COPG2: variants seen among roughly 807,000 people sequenced by gnomAD.
COPG2 encodes the protein coat protein complex I subunit gamma 2.
In COPG2, 37 loss-of-function variants were observed where a neutral mutation model predicts 46.3. That is an observed-to-expected ratio of 0.80 (90% CI 0.61 to 1.05). COPG2 has a LOEUF of 1.05. Ranked by LOEUF, COPG2 falls within the 50% of genes least tolerant of loss-of-function variation. The probability of loss-of-function intolerance (pLI) is 0.00; values close to 1 mark genes in which losing one functional copy is unlikely to be tolerated. For synonymous variants in COPG2, 159 were observed against 129.7 expected (o/e 1.23, Z -1.53); for missense variants, 427 against 387.8 (o/e 1.10, Z -0.85).
chr7:130,658,044 A>G (rs1205444822), intron 4 of COPG2, among the ~76,000 whole-genome samples: 1 of 152,182 alleles, frequency 6.6e-6, no homozygotes, highest in African/African-American at 2.4e-5. Flanking sequence ...ACTCCCAGGC[A>G]TTTATCCAAA....
chr7:130,667,394 G>A, intron 2 of COPG2, 88 bp downstream of exon 2: 1 of 1,027,462 alleles, frequency 9.7e-7, no homozygotes, highest in Non-Finnish European at 1.5e-6. Flanking sequence ...TGTTTTGCAT[G>A]TCGTGATCAC....
chr7:130,627,571 G>A (rs1267588746), intron 5 of COPG2, among the ~76,000 whole-genome samples: 2 of 152,058 alleles, frequency 1.3e-5, no homozygotes, highest in African/African-American at 2.4e-5. Context: ...TAAAGAATCC[G>A]TCTTTCTTTA....
chr7:130,552,675 T>C (rs1223753853), intron 14 of COPG2, among the ~76,000 whole-genome samples: 1 of 152,206 alleles, frequency 6.6e-6, no homozygotes, highest in Non-Finnish European at 1.5e-5. Context: ...ATAGATTTTC[T>C]GTAGGAGCTA....
At chr7:130,551,014 T>TA (rs1214307738) in intron 16 of COPG2, among the ~76,000 whole-genome samples, 1 of 152,108 alleles carries the variant, frequency 6.6e-6, no homozygotes, top group East Asian at 1.9e-4. Flanking sequence ...GCAACGTTCC[T>TA]AAAAAATGTA....
At chr7:130,589,775 A>G (rs985306842) in intron 9 of COPG2, among the ~76,000 whole-genome samples, 6 of 152,200 alleles carry the variant, frequency 3.9e-5, no homozygotes, top group Non-Finnish European at 7.3e-5. Context: ...TCTCTAATCA[A>G]TAGTGAGGTG....
chr7:130,658,302 A>G (rs1243859424), intron 4 of COPG2, among the ~76,000 whole-genome samples: 1 of 152,248 alleles, frequency 6.6e-6, no homozygotes, highest in Non-Finnish European at 1.5e-5. Flanking sequence ...GGCTTCATAC[A>G]GTATGATATC....
intron 12 of COPG2, among the ~76,000 whole-genome samples, chr7:130,556,885 T>C (rs1438014228): frequency 6.6e-6 from 1 of 152,154 alleles, no homozygotes; most frequent in Non-Finnish European, 1.5e-5. Context: ...TAAACATATA[T>C]ACTTCAATCC....
chr7:130,522,266 A>T (rs1031869548), intron 20 of COPG2, among the ~76,000 whole-genome samples: 3 of 152,208 alleles, frequency 2.0e-5, no homozygotes, highest in Non-Finnish European at 4.4e-5. Flanking sequence ...ATAATAATGA[A>T]AAGATAGGAA....
intron 12 of COPG2, among the ~76,000 whole-genome samples, chr7:130,557,376 A>G (rs1793643806): frequency 1.3e-5 from 2 of 152,204 alleles, no homozygotes; most frequent in Non-Finnish European, 2.9e-5. Flanking sequence ...ATTAAAAGAC[A>G]TCCTTGTTCT....
chr7:130,667,444 A>G (rs1796109313), intron 2 of COPG2, 38 bp downstream of exon 2: 1 of 1,572,132 alleles, frequency 6.4e-7, no homozygotes, highest in South Asian at 1.1e-5. Context: ...CTAAAACAGA[A>G]TAGAAAAGAA....
At chr7:130,643,810 C>A (rs1428094884) in intron 5 of COPG2, among the ~76,000 whole-genome samples, 1 of 151,984 alleles carries the variant, frequency 6.6e-6, no homozygotes, top group Non-Finnish European at 1.5e-5. Flanking sequence ...AAAAAAAACA[C>A]ACACACAAAT....
chr7:130,563,761 AAAAAAAAAAAAAG>A (rs1382414855), intron 10 of COPG2, among the ~76,000 whole-genome samples: 115 of 123,362 alleles, frequency 9.3e-4, no homozygotes, highest in African/African-American at 3.9e-3. Context: ...GTCTCAAAAA[AAAAAAAAAAAAAG>A]AAAAAAAAAA....
intron 9 of COPG2, among the ~76,000 whole-genome samples, chr7:130,602,342 T>C (rs1794652227): frequency 6.6e-6 from 1 of 152,100 alleles, no homozygotes; most frequent in Non-Finnish European, 1.5e-5. Context: ...ACATTCTTTA[T>C]ATAATTAAAT....
chr7:130,601,873 A>C (rs1794638863), intron 9 of COPG2, among the ~76,000 whole-genome samples: 1 of 144,414 alleles, frequency 6.9e-6, no homozygotes, highest in Non-Finnish European at 1.6e-5. Flanking sequence ...CAAAGAAGGA[A>C]GGAAGGAAGC....
chr7:130,618,144 CT>C (rs60324235), intron 5 of COPG2, among the ~76,000 whole-genome samples: 60,399 of 144,804 alleles, frequency 0.42, 15,383 homozygotes, highest in East Asian at 0.58. Flanking sequence ...GTGTCCTGCA[CT>C]TAAAAAATTT....
intron 9 of COPG2, chr7:130,607,629 T>G: frequency 5.9e-6 from 3 of 508,706 alleles, no homozygotes; most frequent in South Asian, 4.4e-5. Flanking sequence ...CCTGTATATA[T>G]GTAGTTCAGT....
intron 7 of COPG2, among the ~76,000 whole-genome samples, chr7:130,612,884 T>C (rs782325977): frequency 2.6e-5 from 4 of 152,088 alleles, no homozygotes; most frequent in Non-Finnish European, 5.9e-5. Context: ...GTAGAAGTCA[T>C]AAAGGCAGGT....
At chr7:130,664,068 A>G (rs1554461113) in intron 3 of COPG2, among the ~76,000 whole-genome samples, 1 of 152,158 alleles carries the variant, frequency 6.6e-6, no homozygotes, top group Non-Finnish European at 1.5e-5. Context: ...CAAGTGATGC[A>G]AATGCTGATC....
chr7:130,608,306 T>A (rs1281601052), intron 9 of COPG2: 1 of 350,892 alleles, frequency 2.8e-6, no homozygotes, highest in Non-Finnish European at 5.6e-6. Context: ...ATAAGCCCCA[T>A]AATTTGCTGC....
Sources: allele counts gnomAD v4.1 joint callset (sites outside exome capture counted in the v4.1 genomes callset), GRCh38; gene constraint gnomAD v4.1.1; transcripts MANE v1.5; gene names NCBI Gene and HGNC (gene_info 2026-07-23, HGNC 2026-07-21).